The following PCLO variants were observed in gnomAD, a reference collection of about 807,000 sequenced individuals.
The protein encoded by PCLO is piccolo presynaptic cytomatrix protein.
PCLO carries 82 observed loss-of-function variants against 427.5 expected under a neutral mutation model. That is an observed-to-expected ratio of 0.19 (90% CI 0.16 to 0.23). The LOEUF (loss-of-function observed/expected upper bound fraction) is 0.23, where lower values mean the gene tolerates loss of function less well. Ranked by LOEUF, PCLO falls within the 10% of genes least tolerant of loss-of-function variation. The pLI is 1.00. For synonymous variants in PCLO, 2,357 were observed against 2,155.4 expected, an observed-to-expected ratio of 1.09 and a Z score of -2.59; for missense variants, 6,239 against 6,115.9, an observed-to-expected ratio of 1.02 and a Z score of -0.67.
At chr7:82,825,150 AT>A (rs1488561442) in intron 18 of PCLO, among the ~76,000 whole-genome samples, 1 of 152,048 alleles carries the variant, frequency 6.6e-6, no homozygotes, top group Non-Finnish European at 1.5e-5. Flanking sequence ...TGACTACCAC[AT>A]TTTGTCATGG....
At chr7:83,059,343 A>G (rs1789481862) in intron 3 of PCLO, among the ~76,000 whole-genome samples, 1 of 119,046 alleles carries the variant, frequency 8.4e-6, no homozygotes, top group Non-Finnish European at 1.7e-5. Context: ...TATATTTTAT[A>G]TATACACCTT....
At chr7:83,027,576 A>T (rs1414694517) in intron 3 of PCLO, among the ~76,000 whole-genome samples, 1 of 151,206 alleles carries the variant, frequency 6.6e-6, no homozygotes. Flanking sequence ...AATCAACAGA[A>T]AAAGAGGGAA....
At chr7:83,031,780 C>T (rs1409110859) in intron 3 of PCLO, among the ~76,000 whole-genome samples, 1 of 148,764 alleles carries the variant, frequency 6.7e-6, no homozygotes, top group Non-Finnish European at 1.5e-5. Flanking sequence ...CTCACACACA[C>T]AAACACATAA....
At chr7:82,927,967 ATT>A (rs1286727060) in intron 6 of PCLO, among the ~76,000 whole-genome samples, 3 of 152,302 alleles carry the variant, frequency 2.0e-5, no homozygotes, top group East Asian at 3.9e-4. Context: ...CATTAATTAA[ATT>A]TGAGTCTAAT....
At chr7:82,773,640 C>G (rs137911387) in intron 22 of PCLO, among the ~76,000 whole-genome samples, 234 of 152,114 alleles carry the variant, frequency 1.5e-3, no homozygotes, top group African/African-American at 5.5e-3. Flanking sequence ...AACACTTTAC[C>G]TCCCTTCCTT....
intron 3 of PCLO, among the ~76,000 whole-genome samples, chr7:83,071,982 T>C (rs917248642): frequency 2.6e-5 from 4 of 152,286 alleles, no homozygotes; most frequent in Admixed American, 6.5e-5. Flanking sequence ...TATTCTCTGC[T>C]GAATATGTGA....
At chr7:82,841,309 A>G (rs1792359084) in intron 14 of PCLO, 150 bp downstream of exon 14, 1 of 640,826 alleles carries the variant, frequency 1.6e-6, no homozygotes, top group Admixed American at 2.9e-5. Flanking sequence ...GTATTAATAT[A>G]CTATTCTATA....
chr7:83,034,629 A>G (rs1788751154), intron 3 of PCLO, among the ~76,000 whole-genome samples: 1 of 152,372 alleles, frequency 6.6e-6, no homozygotes, highest in Non-Finnish European at 1.5e-5. Context: ...AGTCTCTCAC[A>G]TATTGGATGT....
At position 83,135,254 on chromosome 7, in the gene PCLO, G is replaced by C; in HGVS notation, c.2296C>G (p.Leu766Val). The change falls in exon 3 of 25, where the codon CTT becomes GTT. Residue 766 changes from leucine to valine, a missense_variant. Leu to Val is a conservative substitution (Grantham distance 32). Around this residue, in one of 5 missense-constraint regions of PCLO, gnomAD observed 4,677 missense variants for 4,468.4 expected, o/e 1.05. Coordinates refer to ENST00000333891, the MANE Select transcript of PCLO (RefSeq NM_033026.6). ...GTTGTTGCTGATGATGAAGATACAAGGTCAGTGGTTGGCTTTACCATCTTG... is the reference window on the plus strand; with the variant it reads ...GTTGTTGCTGATGATGAAGATACAACGTCAGTGGTTGGCTTTACCATCTTG... ...QPKMVKPTTD[L>V]VSSSSATTKP... is the part of the protein sequence containing the mutation. The C allele has an allele frequency of 2.5e-6, 4 of 1,613,852 alleles. No homozygotes were observed. Among genetic ancestry groups the C allele is most frequent in the Non-Finnish European group, 3.4e-6 (4 of 1,179,866 alleles).
At chr7:83,052,816 T>A (rs1365403562) in intron 3 of PCLO, among the ~76,000 whole-genome samples, 2 of 151,944 alleles carry the variant, frequency 1.3e-5, no homozygotes, top group Non-Finnish European at 2.9e-5. Context: ...TTTAATCATA[T>A]CATGTAATTA....
At chr7:82,993,570 T>C (rs1032778968) in intron 3 of PCLO, among the ~76,000 whole-genome samples, 12 of 151,714 alleles carry the variant, frequency 7.9e-5, no homozygotes, top group South Asian at 6.2e-4. Context: ...AAATGAGACT[T>C]TTTTTTTAGC....
intron 10 of PCLO, among the ~76,000 whole-genome samples, chr7:82,873,567 G>A (rs1793293618): frequency 6.6e-6 from 1 of 152,112 alleles, no homozygotes; most frequent in Non-Finnish European, 1.5e-5. Context: ...TTACAAGACT[G>A]AGAGCAAAAC....
In PCLO at chr7:82,915,492, C is replaced by T. The variant is rs752648665; in HGVS notation, c.12494G>A (p.Ser4165Asn). 6.2e-7 allele frequency: 1 copy of T among 1,613,616 alleles called. No homozygotes were observed. Among genetic ancestry groups the T allele is most frequent in the Admixed American group, 1.7e-5 (1 of 60,000 alleles). Residue 4165 changes from serine to asparagine, a missense_variant, in exon 7 of 25, where the codon AGC becomes AAC. This residue lies in a region of PCLO where 680 missense variants were observed against 677.3 expected (regional missense o/e 1.00). Coordinates refer to ENST00000333891, the MANE Select transcript of PCLO (RefSeq NM_033026.6). The part of the protein sequence containing the change: ...YRHFPKSEKY[S>N]ISRLTLEKQA... ...TTTTTCAAGTGTGAGTCTACTGATGCTATACTTCTCAGATTTTGGAAAATG... is the reference window on the plus strand; with the variant it reads ...TTTTTCAAGTGTGAGTCTACTGATGTTATACTTCTCAGATTTTGGAAAATG...
At chr7:83,079,370 T>C (rs1042992773) in intron 3 of PCLO, among the ~76,000 whole-genome samples, 2 of 152,130 alleles carry the variant, frequency 1.3e-5, no homozygotes, top group Admixed American at 6.6e-5. Flanking sequence ...GAAGTAGTGA[T>C]GAATAACCAG....
chr7:83,156,030 T>C lies in PCLO; in HGVS notation c.611A>G (p.Glu204Gly). 1.2e-6 allele frequency: 2 copies of C among 1,613,656 alleles called. No individual in the cohort carries two copies. Among genetic ancestry groups the C allele is most frequent in the Non-Finnish European group, 1.7e-6 (2 of 1,179,802 alleles). Residue 204 changes from glutamate (E) to glycine (G), a missense_variant, in exon 2 of 25, where the codon GAA (glutamate) becomes GGA (glycine). This residue lies in a region of PCLO where 4,677 missense variants were observed against 4,468.4 expected (regional missense o/e 1.05). Coordinates refer to ENST00000333891, the MANE Select transcript of PCLO (RefSeq NM_033026.6). The part of the protein sequence containing the change: ...KVVQKEQGKP[E>G]GIIKPPLQQQ... ...TTGTAAAGGAGGTTTTATGATTCCT[T>C]CAGGTTTTCCTTGCTCCTTCTGAAC...
At chr7:83,081,974 C>G (rs1790111983) in intron 3 of PCLO, among the ~76,000 whole-genome samples, 1 of 151,308 alleles carries the variant, frequency 6.6e-6, no homozygotes, top group Non-Finnish European at 1.5e-5. Context: ...ATATATTTTA[C>G]CATTAAACGG....
At position 83,010,593 on chromosome 7, in the gene PCLO, TTAATA is replaced by T. The variant is rs1313119324; in HGVS notation, c.3301-44111_3301-44107del. On this transcript the variant is annotated intron_variant, in intron 3 of 24. Transcript: ENST00000333891. ...TAAGTAATTATAAAATAATTATATT[TTAATA>T]TAATATATATTTCATATTCCTATTA... Among the ~76,000 whole-genome samples, 5 of 150,304 alleles carry T rather than the reference TTAATA, an allele frequency of 3.3e-5. No homozygotes were observed. The South Asian group carries it at 8.3e-4, about 25-fold the overall frequency.
intron 2 of PCLO, among the ~76,000 whole-genome samples, chr7:83,154,076 G>A (rs1473099432): frequency 6.6e-6 from 1 of 152,092 alleles, no homozygotes. Flanking sequence ...ATAATTTGAT[G>A]AGTCAGAAAG....
At position 83,135,572 on chromosome 7, in the gene PCLO, T is replaced by G; in HGVS notation, c.1978A>C (p.Lys660Gln). 6.2e-7 allele frequency: 1 copy of G among 1,613,678 alleles called. No homozygotes were observed. The highest frequency in any genetic ancestry group is 1.1e-5 in the South Asian group (1 of 91,034). Reference protein sequence around the residue: ...LAPVPSSPQPKLKTAPVTTTS... With the variant: ...LAPVPSSPQPQLKTAPVTTTS... The stretch of plus-strand genomic sequence containing the variant: ...GTGGTAACAGGTGCAGTCTTCAGTT[T>G]GGGCTGGGGTGATGACGGAACTGGA... Residue 660 changes from lysine to glutamine, a missense_variant, in exon 3 of 25, where the codon AAA (lysine) becomes CAA (glutamine). Physicochemically the swap from Lys to Gln is moderately conservative, Grantham distance 53. Transcript: ENST00000333891.
Sources: gnomAD v4.1 joint callset for allele counts (sites outside exome capture counted in the v4.1 genomes callset) on GRCh38, gnomAD v4.1.1 for gene constraint, gnomAD v4.1.1 regional missense constraint, MANE v1.5 for transcripts, NCBI Gene and HGNC (gene_info 2026-07-23, HGNC 2026-07-21) for gene names.